Variants in FSTL4 observed in about 807,000 individuals in gnomAD.
The protein encoded by FSTL4 is follistatin-related protein 4.
FSTL4 carries 28 observed loss-of-function variants against 78.2 expected under a neutral mutation model. The observed-to-expected ratio is 0.36, with a 90% confidence interval of 0.27 to 0.49. The LOEUF (loss-of-function observed/expected upper bound fraction) is 0.49, where lower values mean the gene tolerates loss of function less well. Among genes scored for constraint, FSTL4 ranks in the 20% least tolerant of loss-of-function variants. The pLI is 0.98. For missense variants in FSTL4, 922 were observed against 1,084.9 expected, an observed-to-expected ratio of 0.85 and a Z score of 2.11; for synonymous variants, 422 against 440.5, an observed-to-expected ratio of 0.96 and a Z score of 0.53.
At chr5:133,736,184 T>C in the FSTL4 span, among the ~76,000 whole-genome samples, 13 of 152,298 alleles carry the variant, frequency 8.5e-5, no homozygotes, top group Non-Finnish European at 1.5e-4. Flanking sequence ...GGAGGATGTG[T>C]TCAGTTGTAT....
intron 3 of FSTL4, among the ~76,000 whole-genome samples, chr5:133,516,601 C>G (rs553065373): frequency 6.6e-6 from 1 of 152,084 alleles, no homozygotes; most frequent in Admixed American, 6.6e-5. Flanking sequence ...TAACACAATT[C>G]CAATAAATTG....
chr5:133,406,188 T>A (rs1283658789), intron 3 of FSTL4, among the ~76,000 whole-genome samples: 1 of 152,220 alleles, frequency 6.6e-6, no homozygotes, highest in Non-Finnish European at 1.5e-5. Context: ...ACGGTGAAGA[T>A]GGCAGAGACC....
At position 133,593,504 on chromosome 5, in the gene FSTL4, A is replaced by C. The variant is rs151002527; in HGVS notation, c.126+10354T>G. Among the ~76,000 whole-genome samples, 308 of 152,150 alleles carry C rather than the reference A, an allele frequency of 2.0e-3. 1 individual carries two copies. The highest frequency in any genetic ancestry group is 0.01 in the Middle Eastern group (3 of 294). On this transcript the variant is annotated intron_variant, in intron 2 of 15. Transcript: ENST00000265342. ...TCCATCCTATGCAGGTGACACCTAG[A>C]GACTTCCGGCTTCCTCCAGCCCCCA...
rs180811195 is a variant in FSTL4 at position 133,476,248 on chromosome 5, T to C, written c.161-75262A>G. 1.2e-3 allele frequency among the ~76,000 whole-genome samples: 186 copies of C among 152,282 alleles called. 1 individual carries two copies. Among genetic ancestry groups the C allele is most frequent in the Non-Finnish European group, 2.3e-3 (156 of 68,008 alleles). The stretch of plus-strand genomic sequence containing the variant: ...GTCATTCAGCTTGAGGCAAATTCCA[T>C]TAAGCTCAGTTACAAAAAGATGAAG... On this transcript the variant is annotated intron_variant, in intron 3 of 15. Coordinates refer to ENST00000265342, the MANE Select transcript of FSTL4 (RefSeq NM_015082.2).
intron 3 of FSTL4, among the ~76,000 whole-genome samples, chr5:133,533,472 C>T (rs1432125463): frequency 6.6e-6 from 1 of 152,144 alleles, no homozygotes; most frequent in Non-Finnish European, 1.5e-5. Context: ...TCTTGAACTC[C>T]TGGCCTCAAG....
At chr5:133,787,584 C>T in the FSTL4 span, among the ~76,000 whole-genome samples, 6 of 147,616 alleles carry the variant, frequency 4.1e-5, no homozygotes, top group African/African-American at 1.0e-4. Flanking sequence ...CCCAGTCCCA[C>T]GCCCTGCTCC....
the FSTL4 span, among the ~76,000 whole-genome samples, chr5:133,650,273 T>G: frequency 6.6e-6 from 1 of 152,154 alleles, no homozygotes; most frequent in South Asian, 2.1e-4. Context: ...ACATGAAGTT[T>G]GAGGGGACAA....
Position 133,225,202 on chromosome 5 carries a change from A to G in FSTL4, c.1260T>C (p.Gly420=), listed in dbSNP as rs764499570. The G allele has an allele frequency of 6.2e-7, 1 of 1,614,032 alleles. No individual in the cohort carries two copies. The highest frequency in any genetic ancestry group is 1.7e-5 in the Admixed American group (1 of 60,022). Reference sequence around the variant, plus strand: ...AGAGCGAGGAGATATCTTCATCCACACCCACTTCATTTTTGGCAATGCAGG... The same window carrying G: ...AGAGCGAGGAGATATCTTCATCCACGCCCACTTCATTTTTGGCAATGCAGG... ...AYTCIAKNEV[G]VDEDISSLFI... The change falls in exon 10 of 16, where the codon GGT becomes GGC. Residue 420 remains glycine (G), a synonymous_variant. Transcript: ENST00000265342. This position sits in a 1 kb window ranked among gnomAD's most constrained non-coding sequence, Gnocchi z 4.6.
At chr5:133,623,176 G>T in the FSTL4 span, among the ~76,000 whole-genome samples, 1 of 151,728 alleles carries the variant, frequency 6.6e-6, no homozygotes, top group African/African-American at 2.4e-5. Context: ...AAATCAACTG[G>T]GTAGAAATTG....
At chr5:133,308,900 G>A (rs1339375865) in intron 6 of FSTL4, among the ~76,000 whole-genome samples, 1 of 152,134 alleles carries the variant, frequency 6.6e-6, no homozygotes, top group Non-Finnish European at 1.5e-5. Flanking sequence ...TCTGCTAGCT[G>A]CTCAAAACCT....
the FSTL4 span, among the ~76,000 whole-genome samples, chr5:133,838,007 C>T: frequency 2.6e-5 from 4 of 152,172 alleles, no homozygotes; most frequent in Non-Finnish European, 4.4e-5. Flanking sequence ...CCTGCCTCAA[C>T]CTCCCCAGTT....
At chr5:133,340,252 G>T (rs914193343) in intron 4 of FSTL4, among the ~76,000 whole-genome samples, 3 of 152,326 alleles carry the variant, frequency 2.0e-5, no homozygotes, top group Non-Finnish European at 4.4e-5. Flanking sequence ...CTCCAGGGGA[G>T]GAGCACCCCG....
intron 3 of FSTL4, among the ~76,000 whole-genome samples, chr5:133,467,429 G>T (rs577317505): frequency 6.6e-6 from 1 of 152,066 alleles, no homozygotes; most frequent in South Asian, 2.1e-4. Flanking sequence ...TGTCTGATAC[G>T]TTGTCTCCTA....
At chr5:133,367,956 C>T (rs989478909) in intron 4 of FSTL4, among the ~76,000 whole-genome samples, 2 of 152,246 alleles carry the variant, frequency 1.3e-5, no homozygotes, top group East Asian at 3.8e-4. Flanking sequence ...ATCCAACAGG[C>T]AGGATCAAGA....
chr5:133,359,767 T>A (rs1223477271), intron 4 of FSTL4, among the ~76,000 whole-genome samples: 1 of 152,216 alleles, frequency 6.6e-6, no homozygotes, highest in South Asian at 2.1e-4. Context: ...TTAAAAGCAT[T>A]TCCTTTACTC....
At chr5:133,335,008 G>T (rs951658739) in intron 4 of FSTL4, among the ~76,000 whole-genome samples, 7 of 152,194 alleles carry the variant, frequency 4.6e-5, no homozygotes, top group African/African-American at 1.7e-4. Flanking sequence ...GGTATCTAAA[G>T]GAGGCTTAGT....
At chr5:133,696,734 G>A in the FSTL4 span, among the ~76,000 whole-genome samples, 1 of 152,242 alleles carries the variant, frequency 6.6e-6, no homozygotes, top group Non-Finnish European at 1.5e-5. Context: ...TGTGGGGAAG[G>A]AGGAGGGGAA....
At chr5:133,569,931 C>G (rs113564527) in intron 2 of FSTL4, among the ~76,000 whole-genome samples, 1 of 152,122 alleles carries the variant, frequency 6.6e-6, no homozygotes, top group African/African-American at 2.4e-5. Context: ...AGAAATTGCC[C>G]GGGCGCGGTG....
At chr5:133,409,903 C>T (rs1258112961) in intron 3 of FSTL4, among the ~76,000 whole-genome samples, 2 of 152,172 alleles carry the variant, frequency 1.3e-5, no homozygotes, top group African/African-American at 2.4e-5. Flanking sequence ...CTTTCACATG[C>T]AACCCTCAGT....
Sources: gnomAD v4.1 joint callset for allele counts (sites outside exome capture counted in the v4.1 genomes callset) on GRCh38, gnomAD v4.1.1 for gene constraint, Gnocchi (gnomAD v3.1) non-coding constraint, MANE v1.5 for transcripts, NCBI Gene and HGNC (gene_info 2026-07-23, HGNC 2026-07-21) for gene names.